AUH: variants seen among roughly 807,000 people sequenced by gnomAD.
AUH encodes the protein methylglutaconyl-CoA hydratase, mitochondrial.
AUH carries 29 observed loss-of-function variants against 42.3 expected under a neutral mutation model. The ratio of observed to expected loss-of-function variants is 0.69; its 90% confidence interval spans 0.51 to 0.93. The LOEUF is 0.93. AUH is among the 40% of genes least tolerant of loss of function. The pLI, the probability that AUH is intolerant of heterozygous loss-of-function variation, is 0.00. For missense variants in AUH, 452 were observed against 438.1 expected, an observed-to-expected ratio of 1.03 and a Z score of -0.28; for synonymous variants, 174 against 166.4, an observed-to-expected ratio of 1.05 and a Z score of -0.35.
chr9:91,225,965 G>C (rs1375269141), intron 6 of AUH, among the ~76,000 whole-genome samples: 5 of 148,974 alleles, frequency 3.4e-5, no homozygotes, highest in Non-Finnish European at 7.5e-5. Flanking sequence ...GGACATTTGG[G>C]TTGGTTCCAA....
chr9:91,222,952 T>C (rs1325438563), intron 6 of AUH, among the ~76,000 whole-genome samples: 1 of 152,216 alleles, frequency 6.6e-6, no homozygotes, highest in African/African-American at 2.4e-5. Flanking sequence ...TTCATCATAT[T>C]GTTCCACTTA....
At chr9:91,331,296 A>C (rs984696830) in intron 3 of AUH, among the ~76,000 whole-genome samples, 4 of 152,250 alleles carry the variant, frequency 2.6e-5, no homozygotes, top group African/African-American at 9.6e-5. Flanking sequence ...GATGTCATAA[A>C]TACCATTCTA....
chr9:91,250,926 G>A (rs1158688477), intron 6 of AUH, among the ~76,000 whole-genome samples: 2 of 152,208 alleles, frequency 1.3e-5, no homozygotes, highest in East Asian at 3.9e-4. Flanking sequence ...ACATCCCCTG[G>A]GTGTTGTAAA....
chr9:91,341,941 G>A (rs1564119323), intron 3 of AUH, among the ~76,000 whole-genome samples: 1 of 152,192 alleles, frequency 6.6e-6, no homozygotes, highest in African/African-American at 2.4e-5. Flanking sequence ...AGAACACTGA[G>A]CACAACGAGT....
Position 91,356,062 on chromosome 9 carries a change from G to A in AUH, c.330+26C>T, listed in dbSNP as rs760163443. 6.9e-6 allele frequency: 11 copies of A among 1,603,864 alleles called. No individual in the cohort carries two copies. The South Asian group carries it at 1.2e-4, about 18-fold the overall frequency. The stretch of plus-strand genomic sequence containing the variant: ...ACAATAATATATCTTAATATTAGAA[G>A]CAAACAGTTTAATCTTTACACTCAC... On this transcript the variant is annotated intron_variant, in intron 2 of 9. Coordinates refer to ENST00000375731, the MANE Select transcript of AUH (RefSeq NM_001698.3).
At chr9:91,335,503 C>T (rs1487491809) in intron 3 of AUH, among the ~76,000 whole-genome samples, 2 of 152,166 alleles carry the variant, frequency 1.3e-5, no homozygotes, top group Non-Finnish European at 2.9e-5. Context: ...CAGCTCTAGG[C>T]TCTATTATCC....
chr9:91,361,655 C>T lies in AUH; in HGVS notation c.235G>A (p.Val79Met), dbSNP rs763398636. The T allele has an allele frequency of 1.8e-5, 28 of 1,583,648 alleles. No homozygotes were observed. The East Asian group carries it at 6.0e-4, about 34-fold the overall frequency. The part of the protein sequence containing the change: ...SEMKTEDELR[V>M]RHLEEENRGI... ...CGGTTCTCCTCCTCCAGGTGCCGCA[C>T]CCGCAGCTCGTCCTCCGTCTTCATC... Residue 79 changes from valine (V) to methionine (M), a missense_variant, in exon 1 of 10, where the codon GTG becomes ATG. Transcript: ENST00000375731.
chr9:91,285,973 G>T (rs945125077), intron 6 of AUH, among the ~76,000 whole-genome samples: 1 of 151,990 alleles, frequency 6.6e-6, no homozygotes, highest in Non-Finnish European at 1.5e-5. Context: ...CATTATGTAA[G>T]CCTCTTTTTT....
rs576986462 is a variant in AUH, at chr9:91,313,344, T to C, written c.505+11974A>G. The stretch of plus-strand genomic sequence containing the variant: ...CAGGATCCTCCACCATCAGTATCCA[T>C]GAACATCCACTGGCCAAGTCACTTC... On this transcript the variant is annotated intron_variant, in intron 4 of 9. Transcript: ENST00000375731. Among the ~76,000 whole-genome samples the C allele has an allele frequency of 1.8e-4, 27 of 152,294 alleles. No individual in the cohort carries two copies. In the South Asian group the frequency reaches 5.6e-3, roughly 32 times the overall value.
At chr9:91,315,415 T>C (rs148645965) in intron 4 of AUH, among the ~76,000 whole-genome samples, 1 of 152,216 alleles carries the variant, frequency 6.6e-6, no homozygotes, top group African/African-American at 2.4e-5. Flanking sequence ...TATGTATACC[T>C]GGCCACCCTG....
chr9:91,339,657 T>G (rs555481121), intron 3 of AUH, among the ~76,000 whole-genome samples: 1 of 152,234 alleles, frequency 6.6e-6, no homozygotes, highest in African/African-American at 2.4e-5. Flanking sequence ...TGAGCACATG[T>G]TGTACCCAGA....
chr9:91,228,944 T>C (rs896421753), intron 6 of AUH, among the ~76,000 whole-genome samples: 9 of 152,258 alleles, frequency 5.9e-5, no homozygotes, highest in African/African-American at 2.2e-4. Context: ...TCTGTTATTT[T>C]ACATTTGCTG....
intron 6 of AUH, among the ~76,000 whole-genome samples, chr9:91,245,086 G>A (rs1740799883): frequency 1.3e-5 from 2 of 152,174 alleles, no homozygotes; most frequent in Admixed American, 1.3e-4. Context: ...AGAGGGAAGG[G>A]ATGAGAGGTG....
At chr9:91,281,354 C>T (rs1178255740) in intron 6 of AUH, among the ~76,000 whole-genome samples, 1 of 151,980 alleles carries the variant, frequency 6.6e-6, no homozygotes, top group Non-Finnish European at 1.5e-5. Context: ...TTTTTTAATC[C>T]TAAGATTTTT....
chr9:91,314,170 A>G (rs570189726), intron 4 of AUH, among the ~76,000 whole-genome samples: 88 of 152,196 alleles, frequency 5.8e-4, no homozygotes, highest in Non-Finnish European at 9.9e-4. Flanking sequence ...CTCTCCCATC[A>G]AAGAGAAAAA....
At chr9:91,316,646 T>A (rs1351125028) in intron 4 of AUH, among the ~76,000 whole-genome samples, 1 of 152,210 alleles carries the variant, frequency 6.6e-6, no homozygotes, top group East Asian at 1.9e-4. Context: ...TGGCTGACCA[T>A]CTTTTCCTAT....
chr9:91,222,532 G>A (rs753734789), intron 6 of AUH, among the ~76,000 whole-genome samples: 50 of 152,256 alleles, frequency 3.3e-4, no homozygotes, highest in Non-Finnish European at 5.6e-4. Flanking sequence ...TACTCGATAC[G>A]GCAGAAAATA....
intron 4 of AUH, among the ~76,000 whole-genome samples, chr9:91,315,644 T>C (rs1829099350): frequency 6.6e-6 from 1 of 152,150 alleles, no homozygotes; most frequent in Admixed American, 6.5e-5. Flanking sequence ...TGTCCACAAG[T>C]TTCAAGATAG....
Position 91,273,780 on chromosome 9 carries a change from G to A in AUH, c.655+22241C>T, listed in dbSNP as rs551986639. Among the ~76,000 whole-genome samples, 7 of 152,264 alleles carry A rather than the reference G, an allele frequency of 4.6e-5. No individual in the cohort carries two copies. In the East Asian group the frequency reaches 1.3e-3, roughly 29 times the overall value. ...GCAGGGGGATACCTCCAGTTCCAGA[G>A]CAATCACTGACAAACAAATTCAGTG... On this transcript the variant is annotated intron_variant, in intron 6 of 9. Coordinates refer to ENST00000375731, the MANE Select transcript of AUH (RefSeq NM_001698.3).
Sources: allele counts gnomAD v4.1 joint callset (sites outside exome capture counted in the v4.1 genomes callset), GRCh38; gene constraint gnomAD v4.1.1; transcripts MANE v1.5; gene names NCBI Gene and HGNC (gene_info 2026-07-23, HGNC 2026-07-21).